The following F9 variants were observed in gnomAD, a reference collection of about 807,000 sequenced individuals.
F9 encodes coagulation factor IX, also known as Christmas factor.
A neutral mutation model predicts 34.1 loss-of-function variants in F9; 2 were observed. That is an observed-to-expected ratio of 0.06 (90% CI 0.02 to 0.18). The LOEUF is 0.18. Among genes scored for constraint, F9 ranks in the 10% least tolerant of loss-of-function variants. The probability of loss-of-function intolerance (pLI) is 1.00; values close to 1 mark genes in which losing one functional copy is unlikely to be tolerated. For synonymous variants in F9, 137 were observed against 118.8 expected (o/e 1.15, Z -1.00); for missense variants, 216 against 345.1 (o/e 0.63, Z 2.96).
chrX:139,546,150 C>T (rs772372989), intron 4 of F9, among the ~76,000 whole-genome samples: 1 of 111,515 alleles, frequency 9.0e-6, no homozygotes. Context: ...ACACTTAGCT[C>T]CCGCTTACAA....
Position 139,537,125 on chromosome X carries a change from G to C in F9, c.204G>C (p.Lys68Asn). 4.1e-6 allele frequency: 5 copies of C among 1,211,368 alleles called. No homozygotes were observed. Among genetic ancestry groups the C allele is most frequent in the African/African-American group, 3.5e-5 (2 of 57,843 alleles). ...GNLERECMEEKCSFEEAREVF... is the reference protein window; with the variant it reads ...GNLERECMEENCSFEEAREVF... ...TTGAGAGAGAATGTATGGAAGAAAAGTGTAGTTTTGAAGAAGCACGAGAAG... is the reference window on the plus strand; with the variant it reads ...TTGAGAGAGAATGTATGGAAGAAAACTGTAGTTTTGAAGAAGCACGAGAAG... Residue 68 changes from lysine (K) to asparagine (N), a missense_variant, in exon 2 of 8, where the codon AAG (lysine) becomes AAC (asparagine). By Grantham distance (94) the Lys-to-Asn change is moderately conservative (BLOSUM62 0). This residue lies in a region of F9 where 177 missense variants were observed against 311.8 expected (regional missense o/e 0.57). Transcript: ENST00000218099.
rs1928142194 is a variant in F9, at chrX:139,562,358, T to C, written c.*287T>C. 3.2e-6 allele frequency: 1 copy of C among 312,216 alleles called. No homozygotes were observed. Among genetic ancestry groups the C allele is most frequent in the South Asian group, 4.7e-5 (1 of 21,463 alleles). 25.7% of individuals were successfully genotyped at this position (312,216 alleles called of 1,213,427 possible). On this transcript the variant is annotated 3_prime_UTR_variant, in exon 8 of 8. Transcript: ENST00000218099. ...CACTCTGTCCATCAGATACTATGGT[T>C]CTCCACTATGGCAACTAACTCACTC...
intron 3 of F9, among the ~76,000 whole-genome samples, chrX:139,540,234 T>A (rs1927572317): frequency 8.9e-6 from 1 of 111,842 alleles, no homozygotes. Context: ...AAAGATTCCC[T>A]TCTCATTCTG....
chrX:139,558,697 T>C (rs4149739), intron 6 of F9, among the ~76,000 whole-genome samples: 1,438 of 111,975 alleles, frequency 0.013, 28 homozygotes, highest in African/African-American at 0.044. Context: ...CTGCCCGGAG[T>C]GAGGACTTTT....
At chrX:139,543,016 A>G (rs2148358775) in intron 4 of F9, among the ~76,000 whole-genome samples, 1 of 110,958 alleles carries the variant, frequency 9.0e-6, no homozygotes, top group African/African-American at 3.3e-5. Context: ...CAACAGAGGA[A>G]AGCTACAGCA....
At chrX:139,536,548 C>A (rs1274909589) in intron 1 of F9, among the ~76,000 whole-genome samples, 1 of 111,242 alleles carries the variant, frequency 9.0e-6, no homozygotes, top group Non-Finnish European at 1.9e-5. Context: ...TAGTGACAGA[C>A]ACTGGGGTCA....
chrX:139,548,694 T>A (rs1170365595), intron 5 of F9, among the ~76,000 whole-genome samples: 1 of 112,103 alleles, frequency 8.9e-6, no homozygotes, highest in African/African-American at 3.2e-5. Context: ...CAACCTGAAT[T>A]CTTTCTGTGT....
intron 1 of F9, among the ~76,000 whole-genome samples, 154 bp from the exon 2 acceptor site, chrX:139,536,856 C>T (rs1428670606): frequency 8.9e-6 from 1 of 112,338 alleles, no homozygotes; most frequent in Non-Finnish European, 1.9e-5. Context: ...GTATACAGTA[C>T]TGTGGGAACA....
rs1928166305 is a variant in F9, at chrX:139,563,227, CA to C, written c.*1157del. Reference sequence around the variant, plus strand: ...AGTTGAAGTTGCCTAGACCAGAGGACATAAGTATCATGTCTCCTTTAACTAG... The same window carrying C: ...AGTTGAAGTTGCCTAGACCAGAGGACTAAGTATCATGTCTCCTTTAACTAG... On this transcript the variant is annotated 3_prime_UTR_variant, in exon 8 of 8. Transcript: ENST00000218099. 1 of 110,706 alleles carries C rather than the reference CA, an allele frequency of 9.0e-6. No individual in the cohort carries two copies. The allele number at this position is 110,706 out of a possible 1,213,427, so 9.1% of individuals were successfully genotyped here. A position where few individuals can be genotyped will look rare whatever the true frequency, so the allele number is the denominator to read the frequency against.
intron 5 of F9, 87 bp from the exon 6 acceptor site, chrX:139,550,975 G>T: frequency 2.5e-6 from 2 of 808,732 alleles, no homozygotes; most frequent in African/African-American, 2.0e-5. Context: ...AAGTGACAAG[G>T]ATGGGCCTCA....
At chrX:139,549,010 C>A (rs1379761175) in intron 5 of F9, among the ~76,000 whole-genome samples, 2 of 111,295 alleles carry the variant, frequency 1.8e-5, no homozygotes, top group Non-Finnish European at 3.8e-5. Flanking sequence ...CTAGGCTGAT[C>A]AGCACAATCT....
intron 4 of F9, among the ~76,000 whole-genome samples, chrX:139,545,504 T>C (rs752530016): frequency 1.8e-5 from 2 of 112,147 alleles, no homozygotes; most frequent in African/African-American, 6.5e-5. Flanking sequence ...TAAACTAATC[T>C]ATTAATAATG....
At chrX:139,536,190 C>CATATATGTATACATATATACGTACACAT (rs1355404624) in intron 1 of F9, among the ~76,000 whole-genome samples, 3 of 93,793 alleles carry the variant, frequency 3.2e-5, no homozygotes, top group African/African-American at 1.2e-4. Context: ...TATATGTGTA[C>CATATATGTATACATATATACGTACACAT]ATATATGTAT....
At chrX:139,545,652 C>G (rs1048764287) in intron 4 of F9, among the ~76,000 whole-genome samples, 1 of 111,405 alleles carries the variant, frequency 9.0e-6, no homozygotes, top group African/African-American at 3.3e-5. Context: ...AAGAAACTAG[C>G]AAAGCAATCT....
chrX:139,550,967 G>A, intron 5 of F9, 95 bp from the exon 6 acceptor site: 1 of 735,144 alleles, frequency 1.4e-6, no homozygotes, highest in South Asian at 2.4e-5. Flanking sequence ...CTTCTCAGAA[G>A]TGACAAGGAT....
At chrX:139,560,101 G>GCA (rs1445236929) in intron 6 of F9, among the ~76,000 whole-genome samples, 3 of 111,872 alleles carry the variant, frequency 2.7e-5, no homozygotes, top group African/African-American at 9.8e-5. Flanking sequence ...TAGGACAAAG[G>GCA]CAGCTTACTA....
At chrX:139,561,310 C>T (rs1312468308) in intron 7 of F9, among the ~76,000 whole-genome samples, 1 of 111,969 alleles carries the variant, frequency 8.9e-6, no homozygotes, top group Non-Finnish European at 1.9e-5. Flanking sequence ...CTTATAACAG[C>T]ATGAGTGAAC....
At chrX:139,547,412 C>T (rs931527534) in intron 4 of F9, 1 of 111,246 alleles carries the variant, frequency 9.0e-6, no homozygotes, top group Admixed American at 9.6e-5. Context: ...GACACTACTT[C>T]GACTGAAAAG....
chrX:139,551,985 T>C (rs1473680748), intron 6 of F9, among the ~76,000 whole-genome samples: 1 of 109,043 alleles, frequency 9.2e-6, no homozygotes, highest in African/African-American at 3.4e-5. Flanking sequence ...AACCCAGGAG[T>C]TTGAGACCAG....
Sources: gnomAD v4.1 joint callset for allele counts (sites outside exome capture counted in the v4.1 genomes callset) on GRCh38, gnomAD v4.1.1 for gene constraint, gnomAD v4.1.1 regional missense constraint, MANE v1.5 for transcripts, NCBI Gene and HGNC (gene_info 2026-07-23, HGNC 2026-07-21) for gene names.